Variants in OPCML observed in about 807,000 individuals in gnomAD.
OPCML encodes opioid-binding protein/cell adhesion molecule.
In OPCML, 13 loss-of-function variants were observed where a neutral mutation model predicts 37.8. The ratio of observed to expected loss-of-function variants is 0.34; its 90% CI spans 0.22 to 0.55. OPCML has a LOEUF of 0.55. OPCML is among the 20% of genes least tolerant of loss of function. The pLI, the probability that OPCML is intolerant of heterozygous loss-of-function variation, is 0.91. For synonymous variants in OPCML, 176 were observed against 168.8 expected (o/e 1.04, Z -0.33); for missense variants, 341 against 435.6 (o/e 0.78, Z 1.93).
At position 132,770,836 on chromosome 11, in the gene OPCML, G is replaced by A. The variant is rs551186725; in HGVS notation, c.147-113517C>T. 2.0e-5 allele frequency among the ~76,000 whole-genome samples: 3 copies of A among 152,302 alleles called. No individual in the cohort carries two copies. In the East Asian group the frequency reaches 5.8e-4, roughly 30 times the overall value. ...GAGAAGGGGGGACTCAGGGGGCCCA[G>A]TGACTGACGCAATAGGAAGCAGGGA... On this transcript the variant is annotated intron_variant, in intron 2 of 7. Transcript: ENST00000524381.
At chr11:133,032,919 G>T (rs1406197119) in intron 1 of OPCML, among the ~76,000 whole-genome samples, 1 of 152,152 alleles carries the variant, frequency 6.6e-6, no homozygotes, top group East Asian at 1.9e-4. Context: ...CTTCTGAAGA[G>T]AATTTTATCT....
intron 1 of OPCML, among the ~76,000 whole-genome samples, chr11:133,279,703 C>T (rs2136504420): frequency 6.6e-6 from 1 of 152,148 alleles, no homozygotes; most frequent in South Asian, 2.1e-4. Flanking sequence ...AATCTCAATG[C>T]ATTATTGAAA....
intron 2 of OPCML, among the ~76,000 whole-genome samples, chr11:132,936,868 A>G (rs1372468801): frequency 1.3e-5 from 2 of 152,182 alleles, no homozygotes; most frequent in Non-Finnish European, 2.9e-5. Flanking sequence ...TATACCTAAC[A>G]TGAGCAAGAG....
chr11:133,364,918 C>T (rs1944505615), intron 1 of OPCML, among the ~76,000 whole-genome samples: 1 of 151,832 alleles, frequency 6.6e-6, no homozygotes, highest in Non-Finnish European at 1.5e-5. Context: ...GAGACTGATG[C>T]TGTCACTCCA....
At position 132,628,374 on chromosome 11, in the gene OPCML, T is replaced by A. The variant is rs549302054; in HGVS notation, c.379+28713A>T. On this transcript the variant is annotated intron_variant, in intron 3 of 7. Coordinates refer to ENST00000524381, the MANE Select transcript of OPCML (RefSeq NM_001012393.5). Reference sequence around the variant, plus strand: ...CAAATTTTACTGGCAACAAAAAAAATTTGAGAATTGTTTCTGTTGACATGT... The same window carrying A: ...CAAATTTTACTGGCAACAAAAAAAAATTGAGAATTGTTTCTGTTGACATGT... 1.2e-4 allele frequency among the ~76,000 whole-genome samples: 19 copies of A among 152,322 alleles called. No individual in the cohort carries two copies. In the South Asian group the frequency reaches 2.5e-3, roughly 20 times the overall value.
chr11:132,890,639 G>A lies in OPCML; in HGVS notation c.146+52287C>T, dbSNP rs533449737. On this transcript the variant is annotated intron_variant, in intron 2 of 7. Coordinates refer to ENST00000524381, the MANE Select transcript of OPCML (RefSeq NM_001012393.5). ...AGGCAGGCGGATCACGAGGTCAGGA[G>A]ATCGAGACCATCCTGGCTAATATGG... 5.1e-4 allele frequency among the ~76,000 whole-genome samples: 77 copies of A among 150,726 alleles called. 1 individual carries two copies. Among genetic ancestry groups the A allele is most frequent in the Non-Finnish European group, 8.7e-4 (59 of 67,772 alleles).
intron 2 of OPCML, among the ~76,000 whole-genome samples, chr11:132,733,711 C>T (rs1443521260): frequency 1.3e-5 from 2 of 152,168 alleles, no homozygotes; most frequent in East Asian, 1.9e-4. Flanking sequence ...ATTGATCCAC[C>T]GTGGTAAGTG....
chr11:132,485,677 T>C (rs147888344), intron 4 of OPCML, among the ~76,000 whole-genome samples: 1 of 152,242 alleles, frequency 6.6e-6, no homozygotes, highest in African/African-American at 2.4e-5. Flanking sequence ...TGGCTTCTTT[T>C]GCTTAACCTA....
chr11:133,004,262 G>A (rs778830419), intron 1 of OPCML: 26 of 985,344 alleles, frequency 2.6e-5, no homozygotes, highest in Non-Finnish European at 3.1e-5. Context: ...CCTCCTTAGA[G>A]GCTTGCCAGA....
intron 2 of OPCML, among the ~76,000 whole-genome samples, chr11:132,738,783 A>G (rs1279996232): frequency 1.3e-5 from 2 of 152,226 alleles, no homozygotes. Context: ...TAAATCAGCT[A>G]TTTTACATTA....
chr11:133,051,916 T>C (rs10750527), intron 1 of OPCML, among the ~76,000 whole-genome samples: 127,747 of 152,156 alleles, frequency 0.84, 53,800 homozygotes, highest in Middle Eastern at 0.92. Flanking sequence ...TGTCATGCAC[T>C]TGTCTTTCCC....
chr11:133,319,579 A>G (rs182679721), intron 1 of OPCML, among the ~76,000 whole-genome samples: 446 of 152,240 alleles, frequency 2.9e-3, no homozygotes, highest in Non-Finnish European at 4.5e-3. Context: ...TCCTCTAATC[A>G]CCTAGGCAAA....
intron 1 of OPCML, among the ~76,000 whole-genome samples, chr11:133,148,778 C>G (rs1329365295): frequency 6.6e-6 from 1 of 152,142 alleles, no homozygotes; most frequent in African/African-American, 2.4e-5. Flanking sequence ...ATCAGAGAGA[C>G]CCAACTCAGA....
intron 3 of OPCML, among the ~76,000 whole-genome samples, chr11:132,563,033 T>G (rs2096414048): frequency 1.3e-5 from 2 of 152,160 alleles, no homozygotes; most frequent in Non-Finnish European, 2.9e-5. Flanking sequence ...TTCAGTAGTA[T>G]AGAGAAAACA....
chr11:133,022,947 G>A (rs1947480659), intron 1 of OPCML, among the ~76,000 whole-genome samples: 1 of 152,186 alleles, frequency 6.6e-6, no homozygotes, highest in South Asian at 2.1e-4. Flanking sequence ...GAATGCTTTT[G>A]CTGCTGAGCC....
intron 1 of OPCML, among the ~76,000 whole-genome samples, chr11:133,507,538 C>T (rs567987393): frequency 2.0e-5 from 3 of 152,252 alleles, no homozygotes; most frequent in South Asian, 2.1e-4. Flanking sequence ...CTCACCAGGT[C>T]GTAAGCACTG....
At chr11:133,248,480 G>T (rs1333441221) in intron 1 of OPCML, among the ~76,000 whole-genome samples, 1 of 152,194 alleles carries the variant, frequency 6.6e-6, no homozygotes, top group East Asian at 1.9e-4. Context: ...CATTTGTTAA[G>T]AATATAAGGA....
intron 2 of OPCML, among the ~76,000 whole-genome samples, chr11:132,749,748 G>T (rs1022903520): frequency 6.6e-6 from 1 of 152,166 alleles, no homozygotes; most frequent in Non-Finnish European, 1.5e-5. Flanking sequence ...AGAATTCAGC[G>T]AAATAAAAAT....
At chr11:132,434,382 G>A (rs1045865527) in intron 7 of OPCML, among the ~76,000 whole-genome samples, 2 of 152,196 alleles carry the variant, frequency 1.3e-5, no homozygotes, top group African/African-American at 4.8e-5. Context: ...GCAGAGCTGA[G>A]CAGCAGCTAC....
Sources: allele counts gnomAD v4.1 joint callset (sites outside exome capture counted in the v4.1 genomes callset), GRCh38; gene constraint gnomAD v4.1.1; transcripts MANE v1.5; gene names NCBI Gene and HGNC (gene_info 2026-07-23, HGNC 2026-07-21).